The following DDX17 variants were observed in gnomAD, a reference collection of about 807,000 sequenced individuals.
DDX17 encodes probable ATP-dependent RNA helicase DDX17.
DDX17 carries 10 observed loss-of-function variants against 80.8 expected under a neutral mutation model. That is an observed-to-expected ratio of 0.12 (90% CI 0.08 to 0.21). DDX17 has a LOEUF of 0.21. DDX17 is among the 10% of genes least tolerant of loss of function. The pLI is 1.00. For missense variants in DDX17, 586 were observed against 957.4 expected, an observed-to-expected ratio of 0.61 and a Z score of 5.12; for synonymous variants, 339 against 336.2, an observed-to-expected ratio of 1.01 and a Z score of -0.09.
At chr22:38,501,029 G>A in intron 2 of DDX17, 101 bp downstream of exon 2, 2 of 1,384,092 alleles carry the variant, frequency 1.4e-6, no homozygotes, top group South Asian at 1.5e-5. Flanking sequence ...CACCACACTA[G>A]AATAAAATGT....
At chr22:38,505,023 C>T (rs1240674777) in intron 1 of DDX17, 3 of 152,526 alleles carry the variant, frequency 2.0e-5, no homozygotes, top group Non-Finnish European at 4.4e-5. Flanking sequence ...ATTCTCCTGC[C>T]TTGGCCTCCC....
rs1466761491 is a variant in DDX17, at chr22:38,489,376, G to A, written c.1448-1261C>T. 9.1e-6 allele frequency: 9 copies of A among 985,652 alleles called. No individual in the cohort carries two copies. Among genetic ancestry groups the A allele is most frequent in the Non-Finnish European group, 1.1e-5 (9 of 829,926 alleles). 61.1% of individuals were successfully genotyped at this position (985,652 alleles called of 1,614,324 possible). ...GCATGCATCAAGGGTCCGTGGCAGT[G>A]AGAAGTCCCCACACACGCTCGCTCT... On this transcript the variant is annotated intron_variant, in intron 11 of 12. Coordinates refer to ENST00000403230, the MANE Select transcript of DDX17 (RefSeq NM_006386.5). This position sits in a 1 kb window ranked among gnomAD's most constrained non-coding sequence, Gnocchi z 4.6.
At chr22:38,495,765 C>A in intron 6 of DDX17, 31 bp downstream of exon 6, 2 of 1,448,210 alleles carry the variant, frequency 1.4e-6, no homozygotes, top group Non-Finnish European at 1.8e-6. Context: ...GTAAGATAAA[C>A]TAACAATTCT....
chr22:38,499,744 C>G (rs2089808373), intron 2 of DDX17, among the ~76,000 whole-genome samples: 1 of 152,036 alleles, frequency 6.6e-6, no homozygotes, highest in Non-Finnish European at 1.5e-5. Context: ...GTAACTTGCT[C>G]AAGGTCAGAA....
chr22:38,486,502 A>G, intron 12 of DDX17, 62 bp from the exon 13 acceptor site: 1 of 1,473,672 alleles, frequency 6.8e-7, no homozygotes, highest in Middle Eastern at 1.8e-4. Context: ...TAACAATGTA[A>G]AAATTCTACT....
At chr22:38,492,884 A>G (rs2089726944) in intron 10 of DDX17, among the ~76,000 whole-genome samples, 1 of 152,250 alleles carries the variant, frequency 6.6e-6, no homozygotes, top group Non-Finnish European at 1.5e-5. Flanking sequence ...ATATGCTAAA[A>G]TATGACTCAT....
chr22:38,498,174 A>C (rs887390640), intron 4 of DDX17, 24 bp from the exon 5 acceptor site: 13 of 1,609,052 alleles, frequency 8.1e-6, no homozygotes, highest in African/African-American at 1.3e-5. Context: ...AAAGAATGAC[A>C]ACCTTACGCT....
At chr22:38,503,068 T>C (rs1398216900) in intron 1 of DDX17, among the ~76,000 whole-genome samples, 1 of 152,154 alleles carries the variant, frequency 6.6e-6, no homozygotes, top group Non-Finnish European at 1.5e-5. Flanking sequence ...GCTAATTCCA[T>C]TTATACCACT....
rs1293044663 is a variant in DDX17, at chr22:38,493,729, T to C, written c.1368A>G (p.Glu456=). ...ACTTACCATTAAGTACCCAATCTCT[T>C]TCTGGTTGACTCTTGTCTCCATGGA... The change falls in exon 10 of 13, where the codon GAA becomes GAG. Residue 456 remains glutamate, a synonymous_variant. Transcript: ENST00000403230. 1 of 1,613,516 alleles carries C rather than the reference T, an allele frequency of 6.2e-7. No individual in the cohort carries two copies. The highest frequency in any genetic ancestry group is 2.2e-5 in the East Asian group (1 of 44,882).
In DDX17 at chr22:38,486,396, T is replaced by G. The variant is rs778241279; in HGVS notation, c.1729A>C (p.Asn577His). 6.2e-7 allele frequency: 1 copy of G among 1,612,934 alleles called. No homozygotes were observed. The highest frequency in any genetic ancestry group is 1.3e-5 in the African/African-American group (1 of 74,878). The change falls in exon 13 of 13, where the codon AAT (asparagine) becomes CAT (histidine). Residue 577 changes from asparagine to histidine, a missense_variant. Physicochemically the swap from Asn to His is moderately conservative, Grantham distance 68 (BLOSUM62 1). Coordinates refer to ENST00000403230, the MANE Select transcript of DDX17 (RefSeq NM_006386.5). ...TCACACTCATCCTGATACATCAGATTGGGATTGTTGGCTGAAGAAGTGGTC... is the reference window on the plus strand; with the variant it reads ...TCACACTCATCCTGATACATCAGATGGGGATTGTTGGCTGAAGAAGTGGTC...
intron 12 of DDX17, 147 bp from the exon 13 acceptor site, chr22:38,486,587 T>C: frequency 8.0e-7 from 1 of 1,246,292 alleles, no homozygotes; most frequent in Non-Finnish European, 1.1e-6. Flanking sequence ...ACTGTAAAAA[T>C]ATACTCATAA....
At chr22:38,490,571 T>C (rs771507061) in intron 11 of DDX17, 7 of 715,592 alleles carry the variant, frequency 9.8e-6, no homozygotes, top group African/African-American at 3.8e-5. Flanking sequence ...TATAAAATTA[T>C]GGGAATCAAA....
chr22:38,494,569 T>C, intron 8 of DDX17, 61 bp downstream of exon 8: 1 of 1,524,220 alleles, frequency 6.6e-7, no homozygotes, highest in Non-Finnish European at 9.0e-7. Flanking sequence ...GTACTAATTT[T>C]GGAGGGTTAT....
At position 38,498,157 on chromosome 22, in the gene DDX17, A is replaced by AG. The variant is rs1304107917; in HGVS notation, c.673-8dup. 1.1e-5 allele frequency: 17 copies of AG among 1,613,612 alleles called. No homozygotes were observed. The highest frequency in any genetic ancestry group is 4.0e-5 in the African/African-American group (3 of 74,858). On this transcript the variant is annotated splice_polypyrimidine_tract_variant and splice_region_variant and intron_variant, in intron 4 of 12. Coordinates refer to ENST00000403230, the MANE Select transcript of DDX17 (RefSeq NM_006386.5). ...CAATTGCAGGCAGGAGATACTGTGGAGGGGGGAAAGAATGACAACCTTACG... is the reference window on the plus strand; with the variant it reads ...CAATTGCAGGCAGGAGATACTGTGGAGGGGGGGAAAGAATGACAACCTTACG...
chr22:38,501,315 T>G, intron 1 of DDX17, 35 bp from the exon 2 acceptor site: 1 of 1,593,906 alleles, frequency 6.3e-7, no homozygotes, highest in Non-Finnish European at 8.5e-7. Flanking sequence ...TCATCAGTAT[T>G]TTTAAAGCAA....
At chr22:38,502,346 G>A (rs542805599) in intron 1 of DDX17, among the ~76,000 whole-genome samples, 5 of 151,716 alleles carry the variant, frequency 3.3e-5, no homozygotes, top group East Asian at 1.9e-4. Context: ...CTCGGAAGGC[G>A]GAGGTTGCAG....
chr22:38,505,226 T>C (rs2089868842), intron 1 of DDX17: 1 of 152,128 alleles, frequency 6.6e-6, no homozygotes, highest in Admixed American at 6.6e-5. Context: ...CCAAGAACTT[T>C]CTAGCGAGGC....
In DDX17 at chr22:38,498,536, T is replaced by C. The variant is rs150950190; in HGVS notation, c.576A>G (p.Thr192=). 7.4e-6 allele frequency: 12 copies of C among 1,614,104 alleles called. No homozygotes were observed. In the Admixed American group the frequency reaches 1.2e-4, roughly 16 times the overall value. The stretch of plus-strand genomic sequence containing the variant: ...CCTGGCACTGAATTGGAGTTGGTTC[T>C]GTAAAGTGCTGATCCATCAACACAT... Residue 192 remains threonine, a synonymous_variant, in exon 4 of 13, where the codon ACA becomes ACG. Coordinates refer to ENST00000403230, the MANE Select transcript of DDX17 (RefSeq NM_006386.5).
In DDX17 at chr22:38,486,435, G is replaced by A. The variant is rs2089660589; in HGVS notation, c.1690C>T (p.Arg564Cys). The A allele has an allele frequency of 1.9e-6, 3 of 1,605,304 alleles. No individual in the cohort carries two copies. Among genetic ancestry groups the A allele is most frequent in the Non-Finnish European group, 2.6e-6 (3 of 1,175,058 alleles). The change falls in exon 13 of 13, where the codon CGT becomes TGT. Residue 564 changes from arginine to cysteine, a missense_variant. Arg to Cys is a radical substitution (Grantham distance 180). Around this residue, in one of 4 missense-constraint regions of DDX17, gnomAD observed 221 missense variants for 261.4 expected, o/e 0.85. Coordinates refer to ENST00000403230, the MANE Select transcript of DDX17 (RefSeq NM_006386.5). Reference sequence around the variant, plus strand: ...GAAGAAGTGGTCCGGTAACGAGAACGACCACCTAATGGGAAGATACAAGAA... The same window carrying A: ...GAAGAAGTGGTCCGGTAACGAGAACAACCACCTAATGGGAAGATACAAGAA...
Sources: gnomAD v4.1 joint callset for allele counts (sites outside exome capture counted in the v4.1 genomes callset) on GRCh38, gnomAD v4.1.1 for gene constraint, gnomAD v4.1.1 regional missense constraint, Gnocchi (gnomAD v3.1) non-coding constraint, MANE v1.5 for transcripts, NCBI Gene and HGNC (gene_info 2026-07-23, HGNC 2026-07-21) for gene names.